Variants in GPAT3 observed in about 807,000 individuals in gnomAD.
GPAT3 encodes the protein 1-AGP acyltransferase 9.
A neutral mutation model predicts 58.8 loss-of-function variants in GPAT3; 53 were observed. The ratio of observed to expected loss-of-function variants is 0.90; its 90% CI spans 0.72 to 1.13. GPAT3 has a LOEUF of 1.13. GPAT3 is among the 50% of genes most tolerant of loss of function. GPAT3 has a pLI of 0.00. For missense variants in GPAT3, 511 were observed against 527.6 expected (o/e 0.97, Z 0.31); for synonymous variants, 197 against 187.4 (o/e 1.05, Z -0.42).
chr4:83,594,560 G>A (rs1018407171), intron 6 of GPAT3, among the ~76,000 whole-genome samples: 2 of 152,148 alleles, frequency 1.3e-5, no homozygotes, highest in African/African-American at 2.4e-5. Flanking sequence ...TTTCAGTGTA[G>A]TTTTAATTTA....
At chr4:83,554,575 G>A (rs989992165) in intron 2 of GPAT3, among the ~76,000 whole-genome samples, 6 of 151,994 alleles carry the variant, frequency 3.9e-5, no homozygotes, top group Admixed American at 3.3e-4. Context: ...ATATATGAGG[G>A]GGTCTTGTTA....
chr4:83,596,471 A>C (rs1726842350), intron 7 of GPAT3, among the ~76,000 whole-genome samples: 1 of 151,774 alleles, frequency 6.6e-6, no homozygotes, highest in African/African-American at 2.4e-5. Context: ...AAATACAAAA[A>C]CTTAGCAGGG....
intron 11 of GPAT3, 28 bp downstream of exon 11, chr4:83,598,751 CTTTTTTTT>C (rs70965361): frequency 8.3e-3 from 1,258 of 150,896 alleles, no homozygotes; most frequent in Middle Eastern, 0.015. Flanking sequence ...AGTACTATCA[CTTTTTTTT>C]TTTTTTTTTT....
chr4:83,551,411 T>C (rs984723093), intron 2 of GPAT3, among the ~76,000 whole-genome samples: 2 of 152,138 alleles, frequency 1.3e-5, no homozygotes, highest in African/African-American at 4.8e-5. Flanking sequence ...GGGCAGTATA[T>C]TGCGCCTGGC....
chr4:83,604,026 A>G (rs1727164277), intron 11 of GPAT3, among the ~76,000 whole-genome samples: 2 of 152,144 alleles, frequency 1.3e-5, no homozygotes, highest in African/African-American at 4.8e-5. Flanking sequence ...ATATAGAGAA[A>G]TAATCCTAGT....
chr4:83,562,777 G>A (rs1409866583), intron 2 of GPAT3, among the ~76,000 whole-genome samples: 1 of 146,598 alleles, frequency 6.8e-6, no homozygotes, highest in African/African-American at 2.6e-5. Context: ...AATGGAAACA[G>A]AGAGAGATAG....
intron 7 of GPAT3, 118 bp downstream of exon 7, chr4:83,595,078 T>TCA: frequency 2.4e-6 from 2 of 822,836 alleles, no homozygotes; most frequent in Non-Finnish European, 3.8e-6. Flanking sequence ...GAGCCCTGTT[T>TCA]GCTGTTGGAT....
Position 83,604,774 on chromosome 4 carries a change from G to A in GPAT3, c.*7G>A, listed in dbSNP as rs1222278000. ...CAATGGATCTCTCAGCTAAGAGGACGGATGACAGCCTTTAGATCTAGAACT... is the reference window on the plus strand; with the variant it reads ...CAATGGATCTCTCAGCTAAGAGGACAGATGACAGCCTTTAGATCTAGAACT... On this transcript the variant is annotated 3_prime_UTR_variant, in exon 12 of 12. Coordinates refer to ENST00000264409, the MANE Select transcript of GPAT3 (RefSeq NM_032717.5). The A allele has an allele frequency of 9.3e-6, 15 of 1,610,324 alleles. No individual in the cohort carries two copies. Among genetic ancestry groups the A allele is most frequent in the African/African-American group, 2.7e-5 (2 of 74,846 alleles).
chr4:83,562,172 T>TTATATATTATATATATATATATATATA (rs1725148507), intron 2 of GPAT3, among the ~76,000 whole-genome samples: 1 of 55,448 alleles, frequency 1.8e-5, no homozygotes, highest in African/African-American at 1.1e-4. Flanking sequence ...TCTAGTTATT[T>TTATATATTATATATATATATATATATA]TATATATTAT....
At chr4:83,550,286 G>A (rs1266447689) in intron 2 of GPAT3, among the ~76,000 whole-genome samples, 2 of 152,102 alleles carry the variant, frequency 1.3e-5, no homozygotes, top group South Asian at 2.1e-4. Context: ...ATCTGCATCC[G>A]TCTCCCAAAG....
intron 8 of GPAT3, 151 bp from the exon 9 acceptor site, chr4:83,597,279 C>T (rs1421911793): frequency 6.0e-6 from 3 of 500,552 alleles, no homozygotes; most frequent in Non-Finnish European, 1.0e-5. Context: ...AGGATTACTA[C>T]CTTGGCAGGG....
chr4:83,538,155 A>G (rs1056659428), intron 1 of GPAT3, among the ~76,000 whole-genome samples: 1 of 152,044 alleles, frequency 6.6e-6, no homozygotes, highest in Non-Finnish European at 1.5e-5. Context: ...CTTCTTTCTC[A>G]GCTAATTGGG....
intron 2 of GPAT3, among the ~76,000 whole-genome samples, chr4:83,561,205 A>G (rs1725113843): frequency 6.6e-6 from 1 of 152,248 alleles, no homozygotes; most frequent in Non-Finnish European, 1.5e-5. Context: ...TTAAGTGGAG[A>G]GAAACTGATA....
rs1294155969 is a variant in GPAT3, at chr4:83,536,581, G to A, written c.-42G>A. 1.9e-6 allele frequency: 3 copies of A among 1,594,300 alleles called. No homozygotes were observed. Among genetic ancestry groups the A allele is most frequent in the Non-Finnish European group, 2.6e-6 (3 of 1,169,184 alleles). ...GGGGACAGGGACTGCTGTGGCGCTC[G>A]GCCCTCCACTGCGGACCTCTCCTGA... is the stretch of plus-strand genomic sequence containing the variant. On this transcript the variant is annotated 5_prime_UTR_variant, in exon 1 of 12. Coordinates refer to ENST00000264409, the MANE Select transcript of GPAT3 (RefSeq NM_032717.5).
At chr4:83,547,856 T>C (rs1432760612) in intron 2 of GPAT3, among the ~76,000 whole-genome samples, 2 of 63,078 alleles carry the variant, frequency 3.2e-5, no homozygotes, top group Admixed American at 1.4e-4. Context: ...TTCTTCCCTT[T>C]TTTTTTTTTT....
At chr4:83,549,711 T>TTTATTATTATTATTATTA (rs529043483) in intron 2 of GPAT3, among the ~76,000 whole-genome samples, 1,613 of 142,808 alleles carry the variant, frequency 0.011, 33 homozygotes, top group African/African-American at 0.039. Context: ...TTTGTATATA[T>TTTATTATTATTATTATTA]TTATTATTAT....
chr4:83,585,432 A>C (rs1445613832), intron 3 of GPAT3, among the ~76,000 whole-genome samples: 1 of 151,286 alleles, frequency 6.6e-6, no homozygotes, highest in Non-Finnish European at 1.5e-5. Context: ...ATAATTTCAA[A>C]ATACTGTATT....
chr4:83,591,037 A>G (rs1726580107), intron 6 of GPAT3, among the ~76,000 whole-genome samples: 1 of 152,166 alleles, frequency 6.6e-6, no homozygotes, highest in South Asian at 2.1e-4. Context: ...TGTTTGGCAT[A>G]GAATGCCTGG....
intron 2 of GPAT3, among the ~76,000 whole-genome samples, chr4:83,545,268 C>T (rs1318050059): frequency 1.3e-5 from 2 of 152,102 alleles, no homozygotes; most frequent in Non-Finnish European, 2.9e-5. Context: ...TGGCGAAACC[C>T]TGTCTCTACA....
Sources: allele counts gnomAD v4.1 joint callset (sites outside exome capture counted in the v4.1 genomes callset), GRCh38; gene constraint gnomAD v4.1.1; transcripts MANE v1.5; gene names NCBI Gene and HGNC (gene_info 2026-07-23, HGNC 2026-07-21).